The following ITGBL1 variants were observed in gnomAD, a reference collection of about 807,000 sequenced individuals.
The protein encoded by ITGBL1 is integrin subunit beta like 1.
In ITGBL1, 51 loss-of-function variants were observed where a neutral mutation model predicts 68.5. The ratio of observed to expected loss-of-function variants is 0.74; its 90% CI spans 0.59 to 0.94. ITGBL1 has a LOEUF of 0.94. Ranked by LOEUF, ITGBL1 falls within the 40% of genes least tolerant of loss-of-function variation. The pLI is 0.00. For synonymous variants in ITGBL1, 209 were observed against 227.3 expected (o/e 0.92, Z 0.72); for missense variants, 649 against 647.4 (o/e 1.00, Z -0.03).
intron 6 of ITGBL1, among the ~76,000 whole-genome samples, chr13:101,585,885 G>T (rs564445158): frequency 6.6e-6 from 1 of 152,188 alleles, no homozygotes; most frequent in African/African-American, 2.4e-5. Context: ...TCACTCTCTT[G>T]TGAAATCCAT....
chr13:101,552,795 G>A (rs182232142), intron 2 of ITGBL1, among the ~76,000 whole-genome samples: 9 of 152,290 alleles, frequency 5.9e-5, no homozygotes. Flanking sequence ...AGTTGGGTGA[G>A]GAGAAGATAA....
intron 2 of ITGBL1, among the ~76,000 whole-genome samples, chr13:101,564,054 G>C (rs971702077): frequency 1.3e-5 from 2 of 151,832 alleles, no homozygotes; most frequent in African/African-American, 4.8e-5. Flanking sequence ...ATATTGTTAA[G>C]ATGGCAATTC....
At chr13:101,648,869 A>G (rs1444768659) in intron 7 of ITGBL1, among the ~76,000 whole-genome samples, 3 of 151,914 alleles carry the variant, frequency 2.0e-5, no homozygotes, top group Admixed American at 2.0e-4. Context: ...TAGTAATATT[A>G]TTTTCTTTCA....
At chr13:101,573,163 T>G (rs1299272068) in intron 3 of ITGBL1, among the ~76,000 whole-genome samples, 2 of 151,978 alleles carry the variant, frequency 1.3e-5, no homozygotes, top group African/African-American at 4.8e-5. Flanking sequence ...ACAGGATGAA[T>G]AAATGTGAAA....
chr13:101,476,058 A>G (rs2048532329), intron 2 of ITGBL1, among the ~76,000 whole-genome samples: 1 of 152,208 alleles, frequency 6.6e-6, no homozygotes, highest in Non-Finnish European at 1.5e-5. Context: ...AGAATATTAT[A>G]GCACTGTAAT....
chr13:101,639,328 A>G (rs2032285581), intron 7 of ITGBL1, among the ~76,000 whole-genome samples: 1 of 152,236 alleles, frequency 6.6e-6, no homozygotes, highest in African/African-American at 2.4e-5. Context: ...ATGGGATAAA[A>G]TAATTGCTTG....
intron 3 of ITGBL1, among the ~76,000 whole-genome samples, chr13:101,569,685 A>G (rs55753105): frequency 4.3e-4 from 66 of 152,286 alleles, no homozygotes; most frequent in Non-Finnish European, 6.6e-4. Context: ...ATTAAAAGAA[A>G]AGTGTACTTA....
chr13:101,483,707 A>T (rs1015021080), intron 2 of ITGBL1, among the ~76,000 whole-genome samples: 3 of 152,160 alleles, frequency 2.0e-5, no homozygotes, highest in African/African-American at 7.2e-5. Context: ...TCTAAAATTC[A>T]ATTTTTTTCC....
rs368850920 is a variant in ITGBL1, at chr13:101,645,818, A to C, written c.1016-46767A>C. 3.3e-5 allele frequency among the ~76,000 whole-genome samples: 5 copies of C among 152,162 alleles called. No individual in the cohort carries two copies. In the East Asian group the frequency reaches 5.8e-4, roughly 18 times the overall value. On this transcript the variant is annotated intron_variant, in intron 7 of 10. Transcript: ENST00000376180. ...CTGAGTTTAGGTAAGTGTGTTTTAT[A>C]AATTCTCATTTCTCATATTTTGTGT...
At chr13:101,567,616 T>C (rs771189156) in intron 2 of ITGBL1, 83 bp from the exon 3 acceptor site, 33 of 1,275,164 alleles carry the variant, frequency 2.6e-5, no homozygotes, top group Non-Finnish European at 3.4e-5. Flanking sequence ...CCCAAATCAA[T>C]GTCACTGTTA....
At chr13:101,648,946 A>G (rs557058413) in intron 7 of ITGBL1, among the ~76,000 whole-genome samples, 1 of 151,614 alleles carries the variant, frequency 6.6e-6, no homozygotes, top group East Asian at 1.9e-4. Context: ...TGATTTGTGC[A>G]TTTCTCTGTA....
chr13:101,466,582 A>G lies in ITGBL1; in HGVS notation c.316+12482A>G, dbSNP rs933149644. Among the ~76,000 whole-genome samples the G allele has an allele frequency of 2.0e-5, 3 of 152,176 alleles. No individual in the cohort carries two copies. In the East Asian group the frequency reaches 5.8e-4, roughly 29 times the overall value. On this transcript the variant is annotated intron_variant, in intron 2 of 10. Coordinates refer to ENST00000376180, the MANE Select transcript of ITGBL1 (RefSeq NM_004791.3). Reference sequence around the variant, plus strand: ...CCCATCTCTCTAGTTAGATCTTAACATCACTGTCACTTAATACAGTCTACA... The same window carrying G: ...CCCATCTCTCTAGTTAGATCTTAACGTCACTGTCACTTAATACAGTCTACA...
chr13:101,579,456 A>G (rs1050532064), intron 5 of ITGBL1, 29 bp downstream of exon 5: 11 of 1,604,248 alleles, frequency 6.9e-6, no homozygotes, highest in Non-Finnish European at 8.5e-7. Flanking sequence ...TTACTACATA[A>G]TGGGGAGGCA....
chr13:101,475,983 C>T (rs2048530953), intron 2 of ITGBL1, among the ~76,000 whole-genome samples: 1 of 152,024 alleles, frequency 6.6e-6, no homozygotes, highest in Non-Finnish European at 1.5e-5. Context: ...AGGATGTTAA[C>T]AAGCAATAAG....
intron 2 of ITGBL1, among the ~76,000 whole-genome samples, chr13:101,503,520 G>A (rs970694977): frequency 5.3e-5 from 8 of 152,146 alleles, no homozygotes; most frequent in Non-Finnish European, 8.8e-5. Flanking sequence ...GAACTCACCT[G>A]GGCTGGATCC....
At chr13:101,457,527 G>T (rs1026815821) in intron 2 of ITGBL1, among the ~76,000 whole-genome samples, 3 of 152,172 alleles carry the variant, frequency 2.0e-5, no homozygotes, top group East Asian at 3.8e-4. Context: ...CCACTTGTTC[G>T]TGGCACATGC....
At chr13:101,544,333 G>GC (rs1229065393) in intron 2 of ITGBL1, among the ~76,000 whole-genome samples, 2 of 152,216 alleles carry the variant, frequency 1.3e-5, no homozygotes, top group Non-Finnish European at 1.5e-5. Context: ...GACCCTGTTT[G>GC]CCTGGGTATC....
At chr13:101,689,953 T>G (rs568604150) in intron 7 of ITGBL1, among the ~76,000 whole-genome samples, 5 of 152,248 alleles carry the variant, frequency 3.3e-5, no homozygotes, top group Non-Finnish European at 7.3e-5. Context: ...GTACGTCTTA[T>G]TCTATTTTTG....
chr13:101,501,325 T>TA (rs1357719873), intron 2 of ITGBL1, among the ~76,000 whole-genome samples: 2 of 152,168 alleles, frequency 1.3e-5, no homozygotes, highest in African/African-American at 4.8e-5. Flanking sequence ...TTGACCATAG[T>TA]ATGGAGAGTG....
Sources: gnomAD v4.1 joint callset for allele counts (sites outside exome capture counted in the v4.1 genomes callset) on GRCh38, gnomAD v4.1.1 for gene constraint, MANE v1.5 for transcripts, NCBI Gene and HGNC (gene_info 2026-07-23, HGNC 2026-07-21) for gene names.